Variants in IFT81 observed in about 807,000 individuals in gnomAD.
IFT81 encodes the protein intraflagellar transport 81.
A neutral mutation model predicts 102.6 loss-of-function variants in IFT81; 72 were observed. The ratio of observed to expected loss-of-function variants is 0.70; its 90% confidence interval spans 0.58 to 0.85. IFT81 has a LOEUF of 0.85. IFT81 is among the 40% of genes least tolerant of loss of function. The pLI, the probability that IFT81 is intolerant of heterozygous loss-of-function variation, is 0.00. For synonymous variants in IFT81, 237 were observed against 242.7 expected, an observed-to-expected ratio of 0.98 and a Z score of 0.22; for missense variants, 723 against 787.3, an observed-to-expected ratio of 0.92 and a Z score of 0.98.
At chr12:110,139,818 TAAATAAAATAAAATA>T (rs749031924) in intron 8 of IFT81, among the ~76,000 whole-genome samples, 3 of 105,500 alleles carry the variant, frequency 2.8e-5, no homozygotes, top group East Asian at 4.8e-4. Flanking sequence ...TAAAATAAAA[TAAATAAAATAAAATA>T]AAATAAAATA....
At chr12:110,215,498 G>A (rs1181914615) in intron 18 of IFT81, among the ~76,000 whole-genome samples, 1 of 104,008 alleles carries the variant, frequency 9.6e-6, no homozygotes, top group Non-Finnish European at 1.7e-5. Flanking sequence ...AGTCTCACTC[G>A]TCACCTGGGC....
At chr12:110,182,591 TC>T (rs1897350787) in intron 12 of IFT81, among the ~76,000 whole-genome samples, 1 of 152,226 alleles carries the variant, frequency 6.6e-6, no homozygotes, top group African/African-American at 2.4e-5. Flanking sequence ...TAATGGATCA[TC>T]TGAGTCCTAA....
chr12:110,180,656 T>C, intron 12 of IFT81, 85 bp downstream of exon 12: 1 of 929,298 alleles, frequency 1.1e-6, no homozygotes, highest in Non-Finnish European at 1.6e-6. Context: ...TCATTGTTTT[T>C]ACTGGAAAAA....
chr12:110,141,668 T>A (rs1593291324), intron 8 of IFT81, among the ~76,000 whole-genome samples: 2 of 152,032 alleles, frequency 1.3e-5, no homozygotes, highest in Non-Finnish European at 2.9e-5. Context: ...TCACTTGAGG[T>A]CAGGAGTTGC....
At chr12:110,188,624 A>G (rs1015846034) in intron 12 of IFT81, among the ~76,000 whole-genome samples, 4 of 151,210 alleles carry the variant, frequency 2.6e-5, no homozygotes, top group African/African-American at 9.7e-5. Flanking sequence ...TTACCATTCC[A>G]CTAAAATGTC....
chr12:110,156,767 G>T (rs1895862081), intron 10 of IFT81, among the ~76,000 whole-genome samples: 2 of 152,198 alleles, frequency 1.3e-5, no homozygotes, highest in Non-Finnish European at 2.9e-5. Context: ...AAAGTACCAA[G>T]ATTATAGGTG....
chr12:110,188,865 G>T (rs1897670728), intron 12 of IFT81, among the ~76,000 whole-genome samples: 2 of 151,594 alleles, frequency 1.3e-5, no homozygotes, highest in African/African-American at 2.4e-5. Context: ...GGAGTCGGAG[G>T]TTGCAGTGAG....
intron 10 of IFT81, among the ~76,000 whole-genome samples, chr12:110,156,844 T>C (rs1467597451): frequency 6.6e-6 from 1 of 152,136 alleles, no homozygotes; most frequent in East Asian, 1.9e-4. Flanking sequence ...TGATTCTTGG[T>C]TGACAATTCT....
Position 110,128,160 on chromosome 12 carries a change from G to A in IFT81, c.248+11G>A. 6.6e-7 allele frequency: 1 copy of A among 1,524,588 alleles called. No individual in the cohort carries two copies. The allele number at this position is 1,524,588 out of a possible 1,614,324, so 94.4% of individuals were successfully genotyped here. On this transcript the variant is annotated intron_variant, in intron 3 of 18. Transcript: ENST00000242591. ...AAATGCCACAGATATGTAAGAATCT[G>A]ATCACGTATTGAGTTTTTAAAATTA...
At chr12:110,132,475 A>AG (rs2137309359) in intron 4 of IFT81, 72 bp from the exon 5 acceptor site, 1 of 619,636 alleles carries the variant, frequency 1.6e-6, no homozygotes, top group East Asian at 3.6e-5. Flanking sequence ...AAAAAAAAAA[A>AG]GAAAGAAAGA....
At chr12:110,154,347 T>C (rs1322675042) in intron 10 of IFT81, among the ~76,000 whole-genome samples, 2 of 151,564 alleles carry the variant, frequency 1.3e-5, no homozygotes, top group Non-Finnish European at 2.9e-5. Context: ...AAAAGTATTT[T>C]TGGCCGGGTG....
At chr12:110,150,263 C>A (rs140078058) in intron 10 of IFT81, among the ~76,000 whole-genome samples, 88 of 152,146 alleles carry the variant, frequency 5.8e-4, no homozygotes, top group Admixed American at 5.4e-3. Flanking sequence ...CATTCCACCA[C>A]GTCCGGCTCA....
At chr12:110,161,875 C>T (rs1183493714) in intron 10 of IFT81, among the ~76,000 whole-genome samples, 4 of 152,080 alleles carry the variant, frequency 2.6e-5, no homozygotes, top group Non-Finnish European at 4.4e-5. Flanking sequence ...CTAGAGATTT[C>T]GCTCTCCTGT....
chr12:110,200,104 A>T (rs763665169), intron 14 of IFT81, among the ~76,000 whole-genome samples: 4 of 152,138 alleles, frequency 2.6e-5, no homozygotes, highest in Non-Finnish European at 2.9e-5. Flanking sequence ...TTTCTTTGAG[A>T]GTTCAGTTCA....
chr12:110,143,759 T>C (rs1230685291), intron 9 of IFT81, among the ~76,000 whole-genome samples: 1 of 152,220 alleles, frequency 6.6e-6, no homozygotes, highest in African/African-American at 2.4e-5. Flanking sequence ...CATAATCAAT[T>C]GATTAGCAAA....
chr12:110,168,250 T>C (rs757941732), intron 11 of IFT81: 1 of 152,360 alleles, frequency 6.6e-6, no homozygotes, highest in Non-Finnish European at 1.5e-5. Context: ...TAGTAAGTAG[T>C]AGAACCAGGA....
chr12:110,213,290 G>T (rs1192008152), intron 18 of IFT81, among the ~76,000 whole-genome samples: 2 of 145,874 alleles, frequency 1.4e-5, no homozygotes, highest in Admixed American at 6.8e-5. Flanking sequence ...TTGTTGAAAA[G>T]AAAAAAAAAA....
intron 11 of IFT81, among the ~76,000 whole-genome samples, chr12:110,178,613 C>T (rs1897147571): frequency 7.0e-6 from 1 of 143,164 alleles, no homozygotes. Flanking sequence ...ATTAAAAAGG[C>T]TAAGATTCTT....
intron 13 of IFT81, among the ~76,000 whole-genome samples, chr12:110,192,202 CTGAT>C (rs1897829259): frequency 6.6e-6 from 1 of 151,092 alleles, no homozygotes. Context: ...ATTCATCTCT[CTGAT>C]TGGTGTCCAT....
Sources: allele counts gnomAD v4.1 joint callset (sites outside exome capture counted in the v4.1 genomes callset), GRCh38; gene constraint gnomAD v4.1.1; transcripts MANE v1.5; gene names NCBI Gene and HGNC (gene_info 2026-07-23, HGNC 2026-07-21).